CDH7: variants seen among roughly 807,000 people sequenced by gnomAD.
CDH7 encodes cadherin 7, also known as cadherin-7.
A neutral mutation model predicts 71.8 loss-of-function variants in CDH7; 25 were observed. That is an observed-to-expected ratio of 0.35 (90% CI 0.25 to 0.49). CDH7 has a LOEUF of 0.49. CDH7 is among the 20% of genes least tolerant of loss of function. The pLI, the probability that CDH7 is intolerant of heterozygous loss-of-function variation, is 0.99. For synonymous variants in CDH7, 381 were observed against 363.8 expected, an observed-to-expected ratio of 1.05 and a Z score of -0.54; for missense variants, 862 against 974.6, an observed-to-expected ratio of 0.88 and a Z score of 1.54.
intron 2 of CDH7, among the ~76,000 whole-genome samples, chr18:65,777,978 T>G (rs919667500): frequency 6.6e-6 from 1 of 152,054 alleles, no homozygotes; most frequent in African/African-American, 2.4e-5. Context: ...TATTTTTATT[T>G]AGAACTAGTG....
At chr18:65,754,187 TA>T in intron 1 of CDH7, among the ~76,000 whole-genome samples, 1 of 152,334 alleles carries the variant, frequency 6.6e-6, no homozygotes, top group South Asian at 2.1e-4. Flanking sequence ...TTTCCCCTTT[TA>T]AAAAATTCAT....
intron 2 of CDH7, among the ~76,000 whole-genome samples, chr18:65,806,887 T>A (rs1402141289): frequency 2.0e-5 from 3 of 152,176 alleles, no homozygotes; most frequent in Non-Finnish European, 4.4e-5. Context: ...ATGCCTCAGA[T>A]AATTATGTAC....
intron 2 of CDH7, among the ~76,000 whole-genome samples, chr18:65,786,411 G>A (rs991162834): frequency 1.3e-5 from 2 of 151,732 alleles, no homozygotes; most frequent in African/African-American, 4.8e-5. Context: ...GCCCACAACC[G>A]CCCCCCCAGT....
intron 7 of CDH7, among the ~76,000 whole-genome samples, chr18:65,854,932 T>TATATATATATATAC (rs67623413): frequency 7.9e-4 from 118 of 148,858 alleles, no homozygotes; most frequent in East Asian, 4.8e-3. Context: ...TATATATATA[T>TATATATATATATAC]ACACACACAT....
chr18:65,802,002 C>T (rs1319078556), intron 2 of CDH7, among the ~76,000 whole-genome samples: 1 of 152,192 alleles, frequency 6.6e-6, no homozygotes, highest in African/African-American at 2.4e-5. Flanking sequence ...AACATTTGTG[C>T]AAGTCTTAAG....
At chr18:65,755,944 A>C (rs1916015834) in intron 1 of CDH7, among the ~76,000 whole-genome samples, 1 of 152,200 alleles carries the variant, frequency 6.6e-6, no homozygotes, top group Non-Finnish European at 1.5e-5. Flanking sequence ...TCCTAAAAAG[A>C]AACAGACTTC....
intron 1 of CDH7, among the ~76,000 whole-genome samples, chr18:65,762,156 C>T (rs1293730088): frequency 2.0e-5 from 3 of 152,204 alleles, no homozygotes; most frequent in Admixed American, 6.5e-5. Flanking sequence ...TCACCTCATA[C>T]TTCTTTATTT....
At chr18:65,761,886 C>T (rs2143785846) in intron 1 of CDH7, among the ~76,000 whole-genome samples, 1 of 152,262 alleles carries the variant, frequency 6.6e-6, no homozygotes. Flanking sequence ...TGTTGATCAA[C>T]ATAATTCAAT....
chr18:65,844,177 A>ATATATATATG, intron 7 of CDH7, 112 bp downstream of exon 7: 1 of 47,352 alleles, frequency 2.1e-5, no homozygotes, highest in South Asian at 7.8e-4. Flanking sequence ...AAAACCAGAT[A>ATATATATATG]TATATATATA....
chr18:65,768,471 C>G (rs897617847), intron 2 of CDH7, among the ~76,000 whole-genome samples: 1 of 152,046 alleles, frequency 6.6e-6, no homozygotes, highest in Admixed American at 6.6e-5. Flanking sequence ...CCTGACTTCA[C>G]GTGATCTGCC....
intron 11 of CDH7, among the ~76,000 whole-genome samples, chr18:65,870,703 T>G (rs956831515): frequency 3.9e-5 from 6 of 152,192 alleles, no homozygotes; most frequent in Non-Finnish European, 7.3e-5. Context: ...TAGATTATCT[T>G]TAATGCCTCA....
chr18:65,859,151 G>T, intron 9 of CDH7, 105 bp downstream of exon 9: 7 of 1,055,520 alleles, frequency 6.6e-6, no homozygotes, highest in Non-Finnish European at 9.9e-6. Flanking sequence ...AATATAATCA[G>T]CTTGTTTCAG....
intron 3 of CDH7, among the ~76,000 whole-genome samples, chr18:65,813,715 A>G (rs1052987553): frequency 2.7e-4 from 41 of 152,106 alleles, no homozygotes; most frequent in African/African-American, 9.6e-4. Flanking sequence ...TATTTTAAAG[A>G]TTACATTCCA....
intron 2 of CDH7, among the ~76,000 whole-genome samples, chr18:65,768,779 G>T (rs1472680332): frequency 2.6e-5 from 4 of 152,056 alleles, no homozygotes; most frequent in Non-Finnish European, 4.4e-5. Context: ...GAGAAATTGG[G>T]TCCTCATCGT....
At chr18:65,821,330 A>C (rs1423294561) in intron 4 of CDH7, among the ~76,000 whole-genome samples, 1 of 152,112 alleles carries the variant, frequency 6.6e-6, no homozygotes. Context: ...TATATTAGAT[A>C]CTTACCACCT....
chr18:65,810,464 A>G lies in CDH7; in HGVS notation c.505+466A>G, dbSNP rs191364854. 2.0e-5 allele frequency among the ~76,000 whole-genome samples: 3 copies of G among 152,272 alleles called. No individual in the cohort carries two copies. In the East Asian group the frequency reaches 5.8e-4, roughly 29 times the overall value. On this transcript the variant is annotated intron_variant, in intron 3 of 11. Transcript: ENST00000397968. ...GCCATCAATGGCTATCCAGGCTAATATTTGGATTAATATTTGGATTGGCTG... is the reference window on the plus strand; with the variant it reads ...GCCATCAATGGCTATCCAGGCTAATGTTTGGATTAATATTTGGATTGGCTG...
chr18:65,880,578 A>G lies in CDH7; in HGVS notation c.2042A>G (p.Lys681Arg), dbSNP rs749875126. The G allele has an allele frequency of 6.2e-7, 1 of 1,613,892 alleles. No homozygotes were observed. Among genetic ancestry groups the G allele is most frequent in the Admixed American group, 1.7e-5 (1 of 59,974 alleles). The change falls in exon 12 of 12, where the codon AAG (lysine) becomes AGG (arginine). Residue 681 changes from lysine (K) to arginine (R), a missense_variant. By Grantham distance (26) the Lys-to-Arg change is conservative. Transcript: ENST00000397968. ...LRNLNVIRDT[K>R]TRRDVTPEIQ... ...AACCTCAACGTCATCCGAGACACCA[A>G]GACCCGGAGGGATGTGACTCCAGAA...
At chr18:65,790,701 T>C (rs1910683163) in intron 2 of CDH7, among the ~76,000 whole-genome samples, 1 of 152,150 alleles carries the variant, frequency 6.6e-6, no homozygotes, top group South Asian at 2.1e-4. Context: ...AAATCCTGTC[T>C]TTAATAAAAA....
At chr18:65,757,403 T>A (rs972837124) in intron 1 of CDH7, among the ~76,000 whole-genome samples, 9 of 152,190 alleles carry the variant, frequency 5.9e-5, no homozygotes, top group Non-Finnish European at 1.0e-4. Flanking sequence ...TTTGCTTCAG[T>A]CCGTTCAAAA....
Sources: allele counts gnomAD v4.1 joint callset (sites outside exome capture counted in the v4.1 genomes callset), GRCh38; gene constraint gnomAD v4.1.1; transcripts MANE v1.5; gene names NCBI Gene and HGNC (gene_info 2026-07-23, HGNC 2026-07-21).